CFAP65: variants seen among roughly 807,000 people sequenced by gnomAD.
CFAP65 encodes cilia- and flagella-associated protein 65.
CFAP65 carries 155 observed loss-of-function variants against 208.0 expected under a neutral mutation model. The ratio of observed to expected loss-of-function variants is 0.75; its 90% CI spans 0.65 to 0.85. The LOEUF (loss-of-function observed/expected upper bound fraction) is 0.85. Ranked by LOEUF, CFAP65 falls within the 40% of genes least tolerant of loss-of-function variation. The pLI is 0.00. For missense variants in CFAP65, 2,294 were observed against 2,451.3 expected (o/e 0.94, Z 1.36); for synonymous variants, 970 against 986.3 (o/e 0.98, Z 0.31).
intron 21 of CFAP65, among the ~76,000 whole-genome samples, chr2:219,017,137 T>C (rs1250219045): frequency 6.6e-6 from 1 of 152,134 alleles, no homozygotes; most frequent in East Asian, 1.9e-4. Flanking sequence ...CACATTTCTA[T>C]CCTGAAGACC....
chr2:219,041,441 C>CCGCT (rs1257263366), intron 1 of CFAP65, 47 bp downstream of exon 1: 1 of 1,548,866 alleles, frequency 6.5e-7, no homozygotes, highest in Non-Finnish European at 8.7e-7. Context: ...GCCACTCGCG[C>CCGCT]CGCTCCCTGA....
Position 219,039,106 on chromosome 2 carries a change from C to T in CFAP65, c.-2-56G>A, listed in dbSNP as rs115975365. The T allele has an allele frequency of 8.1e-5, 118 of 1,451,790 alleles. No homozygotes were observed. In the African/African-American group the frequency reaches 1.3e-3, roughly 16 times the overall value. 89.9% of individuals were successfully genotyped at this position (1,451,790 alleles called of 1,614,324 possible). A position where few individuals can be genotyped will look rare whatever the true frequency, so the allele number is the denominator to read the frequency against. ...TCCATCTCCAGAGCAGAGGGATCCT[C>T]GATGACTGTAGCTGAAATCATATGC... On this transcript the variant is annotated intron_variant, in intron 2 of 34. Coordinates refer to ENST00000341552, the MANE Select transcript of CFAP65 (RefSeq NM_194302.4).
Position 219,026,129 on chromosome 2 carries a change from C to G in CFAP65, c.2242G>C (p.Asp748His). 2.5e-6 allele frequency: 4 copies of G among 1,613,936 alleles called. No homozygotes were observed. The highest frequency in any genetic ancestry group is 3.4e-6 in the Non-Finnish European group (4 of 1,179,924). ...VLQSYSNIEE[D>H]CTMCPSWCLT... The stretch of plus-strand genomic sequence containing the variant: ...CACCAGGATGGGCACATGGTGCAGT[C>G]CTCCTCAATATTACTGTAGCTCTGC... The change falls in exon 14 of 35, where the codon GAC becomes CAC. Residue 748 changes from aspartate to histidine, a missense_variant. Transcript: ENST00000341552.
chr2:219,013,600 A>G lies in CFAP65; in HGVS notation c.3780-15T>C, dbSNP rs1559126669. 6.9e-6 allele frequency: 11 copies of G among 1,590,828 alleles called. No individual in the cohort carries two copies. Among genetic ancestry groups the G allele is most frequent in the Non-Finnish European group, 8.5e-6 (10 of 1,169,956 alleles). On this transcript the variant is annotated splice_polypyrimidine_tract_variant and intron_variant, in intron 22 of 34. Coordinates refer to ENST00000341552, the MANE Select transcript of CFAP65 (RefSeq NM_194302.4). ...TGAACAGGTGGCTAGAAAGAAACAG[A>G]TAAGTCTGGGAGTGAGTTCTGGAGC... is the stretch of plus-strand genomic sequence containing the variant.
In CFAP65 at chr2:219,019,699, GCTT is replaced by G. The variant is rs1420361238; in HGVS notation, c.3277_3279del (p.Lys1093del). 1.2e-6 allele frequency: 2 copies of G among 1,613,226 alleles called. No homozygotes were observed. Among genetic ancestry groups the G allele is most frequent in the Non-Finnish European group, 1.7e-6 (2 of 1,180,008 alleles). ...ACCAGGGAGACGCAGCACAGCTCCT[GCTT>G]CTCCCCAGCCTTGTTATCTGGGGAG... On this transcript the variant is annotated inframe_deletion, in exon 20 of 35. Coordinates refer to ENST00000341552, the MANE Select transcript of CFAP65 (RefSeq NM_194302.4).
In CFAP65 at chr2:219,031,608, A is replaced by G; in HGVS notation, c.696T>C (p.Cys232=). ...LWFEKAEGMF[C]VGLRATLPCH... ...AGGGCAGGGTGGCCCGTAGGCCGAC[A>G]CAGAACATCCCCTCCGCTTTCTCAA... Residue 232 remains cysteine (C), a synonymous_variant, in exon 7 of 35, where the codon TGT becomes TGC. Coordinates refer to ENST00000341552, the MANE Select transcript of CFAP65 (RefSeq NM_194302.4). This position sits in a 1 kb window ranked among gnomAD's most constrained non-coding sequence, Gnocchi z 5.2. 6.2e-7 allele frequency: 1 copy of G among 1,614,100 alleles called. No individual in the cohort carries two copies. The highest frequency in any genetic ancestry group is 8.5e-7 in the Non-Finnish European group (1 of 1,179,964).
chr2:219,003,631 C>T lies in CFAP65; in HGVS notation c.5555+321G>A, dbSNP rs1945734266. Among the ~76,000 whole-genome samples the T allele has an allele frequency of 6.6e-6, 1 of 152,182 alleles. No homozygotes were observed. The highest frequency in any genetic ancestry group is 1.5e-5 in the Non-Finnish European group (1 of 68,030). On this transcript the variant is annotated intron_variant, in intron 33 of 34. Coordinates refer to ENST00000341552, the MANE Select transcript of CFAP65 (RefSeq NM_194302.4). The surrounding 1 kb of genome is among the most constrained non-coding windows in gnomAD (Gnocchi z 4.4). ...ACATAAATCATCTGTAGGGCAGCCCCGGCGGGAAGTCCCACCTGCAAGACA... is the reference window on the plus strand; with the variant it reads ...ACATAAATCATCTGTAGGGCAGCCCTGGCGGGAAGTCCCACCTGCAAGACA...
chr2:219,027,161 C>G (rs1947686176), intron 13 of CFAP65: 5 of 1,186,936 alleles, frequency 4.2e-6, no homozygotes, highest in South Asian at 2.7e-5. Flanking sequence ...GGGGCCAGAA[C>G]AGCAGGGCTG....
In CFAP65 at chr2:219,027,914, C is replaced by CG; in HGVS notation, c.1946dup (p.Pro650AlafsTer18). Reference sequence around the variant, plus strand: ...CCTCGACAGGCTCTACACTGATGGGCGGGGGGAAGATGGTTATGTCGCTGG... The same window carrying CG: ...CCTCGACAGGCTCTACACTGATGGGCGGGGGGGAAGATGGTTATGTCGCTGG... On this transcript the variant is annotated frameshift_variant, in exon 13 of 35. Coordinates refer to ENST00000341552, the MANE Select transcript of CFAP65 (RefSeq NM_194302.4). LOFTEE classifies it high-confidence loss of function. The CG allele has an allele frequency of 6.6e-7, 1 of 1,524,156 alleles. No homozygotes were observed. The highest frequency in any genetic ancestry group is 8.8e-7 in the Non-Finnish European group (1 of 1,135,882). 94.4% of individuals were successfully genotyped at this position (1,524,156 alleles called of 1,614,324 possible). A position where few individuals can be genotyped will look rare whatever the true frequency, so the allele number is the denominator to read the frequency against.
chr2:219,014,916 G>A (rs1178947265), intron 21 of CFAP65: 1 of 150,850 alleles, frequency 6.6e-6, no homozygotes, highest in African/African-American at 2.5e-5. Context: ...ACGCATACCT[G>A]AGAGCACGCA....
In CFAP65 at chr2:219,005,193, T is replaced by C. The variant is rs1945875903; in HGVS notation, c.5051+241A>G. 2.0e-5 allele frequency among the ~76,000 whole-genome samples: 3 copies of C among 152,098 alleles called. No individual in the cohort carries two copies. The South Asian group carries it at 6.2e-4, about 32-fold the overall frequency. Reference sequence around the variant, plus strand: ...GGCATGCACCACCATGTCCAGCTAATTTTTGTATTTTTTGTAGAGATGGGG... The same window carrying C: ...GGCATGCACCACCATGTCCAGCTAACTTTTGTATTTTTTGTAGAGATGGGG... On this transcript the variant is annotated intron_variant, in intron 32 of 34. Transcript: ENST00000341552.
chr2:219,037,018 G>A (rs1459422539), intron 4 of CFAP65, among the ~76,000 whole-genome samples: 1 of 152,020 alleles, frequency 6.6e-6, no homozygotes, highest in African/African-American at 2.4e-5. Context: ...ATGATGGGAG[G>A]TAATTTACTA....
chr2:219,041,148 A>G (rs1369490695), intron 1 of CFAP65, among the ~76,000 whole-genome samples: 3 of 152,234 alleles, frequency 2.0e-5, no homozygotes, highest in Admixed American at 6.5e-5. Context: ...TAAAAAATAT[A>G]TATCATGAGC....
Position 219,003,113 on chromosome 2 carries a change from C to T in CFAP65, c.5693+22G>A. ...GGCCCCTCTCGCGCGGTCTGCGCGG[C>T]CGCTGGTCCCGGCGCCCTTACCTGG... On this transcript the variant is annotated intron_variant, in intron 34 of 34. Coordinates refer to ENST00000341552, the MANE Select transcript of CFAP65 (RefSeq NM_194302.4). This position sits in a 1 kb window ranked among gnomAD's most constrained non-coding sequence, Gnocchi z 4.4. 1 of 1,542,344 alleles carries T rather than the reference C, an allele frequency of 6.5e-7. No homozygotes were observed. The highest frequency in any genetic ancestry group is 8.8e-7 in the Non-Finnish European group (1 of 1,141,194).
chr2:219,030,830 C>T lies in CFAP65; in HGVS notation c.1020G>A (p.Lys340=), dbSNP rs747076421. The change falls in exon 9 of 35, where the codon AAG becomes AAA. Residue 340 remains lysine (K), a synonymous_variant. Transcript: ENST00000341552. ...TTATGCTCACCAGCAGCTGGGCGCA[C>T]TTGGCTGGGGCAGAGATGGGGGAGT... ...RSSIQLQAVA[K]CAQLLVSIKH... 26 of 1,613,344 alleles carry T rather than the reference C, an allele frequency of 1.6e-5. No homozygotes were observed. Among genetic ancestry groups the T allele is most frequent in the Non-Finnish European group, 2.2e-5 (26 of 1,179,570 alleles).
rs1206802372 is a variant in CFAP65 at position 219,003,491 on chromosome 2, G to A, written c.5556-219C>T. On this transcript the variant is annotated intron_variant, in intron 33 of 34. Transcript: ENST00000341552. The surrounding 1 kb of genome is among the most constrained non-coding windows in gnomAD (Gnocchi z 4.4). ...CAAATATGCTGCTGGTTTAAGGGGT[G>A]GGATTCAAACCCAGGCGATGTAGTA... Among the ~76,000 whole-genome samples, 1 of 152,234 alleles carries A rather than the reference G, an allele frequency of 6.6e-6. No individual in the cohort carries two copies. Among genetic ancestry groups the A allele is most frequent in the Non-Finnish European group, 1.5e-5 (1 of 68,030 alleles).
At position 219,003,057 on chromosome 2, in the gene CFAP65, G is replaced by T; in HGVS notation, c.5694-36C>A. 1 of 1,551,108 alleles carries T rather than the reference G, an allele frequency of 6.4e-7. No individual in the cohort carries two copies. On this transcript the variant is annotated intron_variant, in intron 34 of 34. Coordinates refer to ENST00000341552, the MANE Select transcript of CFAP65 (RefSeq NM_194302.4). The surrounding 1 kb of genome is among the most constrained non-coding windows in gnomAD (Gnocchi z 4.4). Reference sequence around the variant, plus strand: ...AAAAGTCCCAGGTAGGCGTGGGGGCGAGGCTTCGGGCAGAGCCTGGCTGCC... The same window carrying T: ...AAAAGTCCCAGGTAGGCGTGGGGGCTAGGCTTCGGGCAGAGCCTGGCTGCC...
chr2:219,041,006 C>G (rs1294690538), intron 1 of CFAP65, among the ~76,000 whole-genome samples: 1 of 152,174 alleles, frequency 6.6e-6, no homozygotes, highest in Non-Finnish European at 1.5e-5. Context: ...CATAACTTTC[C>G]CACTAGCCTG....
chr2:219,029,835 A>C, intron 10 of CFAP65, 151 bp downstream of exon 10: 4 of 1,137,240 alleles, frequency 3.5e-6, no homozygotes. Flanking sequence ...CCAGGTAGTC[A>C]CGGATGATTC....
Sources: gnomAD v4.1 joint callset for allele counts (sites outside exome capture counted in the v4.1 genomes callset) on GRCh38, gnomAD v4.1.1 for gene constraint, Gnocchi (gnomAD v3.1) non-coding constraint, MANE v1.5 for transcripts, NCBI Gene and HGNC (gene_info 2026-07-23, HGNC 2026-07-21) for gene names.